The following FLT1 variants were observed in gnomAD, a reference collection of about 807,000 sequenced individuals.
The protein encoded by FLT1 is vascular endothelial growth factor receptor 1.
Under a neutral mutation model 156.3 loss-of-function variants are expected in FLT1, and 49 were observed. That is an observed-to-expected ratio of 0.31 (90% confidence interval 0.25 to 0.40). The LOEUF is 0.40. Among genes scored for constraint, FLT1 ranks in the 10% least tolerant of loss-of-function variants. FLT1 has a pLI of 1.00. For synonymous variants in FLT1, 594 were observed against 583.8 expected (o/e 1.02, Z -0.25); for missense variants, 1,322 against 1,637.2 (o/e 0.81, Z 3.32).
rs1187596721 is a variant in FLT1 at position 28,322,407 on chromosome 13, C to T, written c.2954-48G>A. On this transcript the variant is annotated intron_variant, in intron 21 of 29. Coordinates refer to ENST00000282397, the MANE Select transcript of FLT1 (RefSeq NM_002019.4). This position sits in a 1 kb window ranked among gnomAD's most constrained non-coding sequence, Gnocchi z 4.3. ...CTGTTTGTAATGGCTCTTGTTATCCCACCAAATCCCAGTTTATTGGAACAA... is the reference window on the plus strand; with the variant it reads ...CTGTTTGTAATGGCTCTTGTTATCCTACCAAATCCCAGTTTATTGGAACAA... 2 of 1,160,170 alleles carry T rather than the reference C, an allele frequency of 1.7e-6. No homozygotes were observed. The highest frequency in any genetic ancestry group is 2.3e-5 in the East Asian group (1 of 42,782). 71.9% of individuals were successfully genotyped at this position (1,160,170 alleles called of 1,614,324 possible). A position where few individuals can be genotyped will look rare whatever the true frequency, so the allele number is the denominator to read the frequency against.
chr13:28,337,284 A>T (rs1475998557), intron 17 of FLT1, among the ~76,000 whole-genome samples: 1 of 152,112 alleles, frequency 6.6e-6, no homozygotes, highest in Non-Finnish European at 1.5e-5. Flanking sequence ...AGGGCTGCTG[A>T]TAGTAACCAA....
At chr13:28,310,440 A>G (rs1870952596) in intron 27 of FLT1, among the ~76,000 whole-genome samples, 1 of 152,130 alleles carries the variant, frequency 6.6e-6, no homozygotes, top group Non-Finnish European at 1.5e-5. Context: ...GGGAGCCTTA[A>G]GGTCCCCATT....
chr13:28,302,414 A>T lies in FLT1; in HGVS notation c.*753T>A, dbSNP rs1306863462. 1 of 233,232 alleles carries T rather than the reference A, an allele frequency of 4.3e-6. No individual in the cohort carries two copies. The highest frequency in any genetic ancestry group is 8.5e-6 in the Non-Finnish European group (1 of 118,078). 14.4% of individuals were successfully genotyped at this position (233,232 alleles called of 1,614,324 possible). ...CAAAACATGCCACGAATGAGAATGGACATAGAACCACTTCCATAGGTAAAG... is the reference window on the plus strand; with the variant it reads ...CAAAACATGCCACGAATGAGAATGGTCATAGAACCACTTCCATAGGTAAAG... On this transcript the variant is annotated 3_prime_UTR_variant, in exon 30 of 30. Coordinates refer to ENST00000282397, the MANE Select transcript of FLT1 (RefSeq NM_002019.4).
At chr13:28,456,599 C>A (rs945536617) in intron 3 of FLT1, among the ~76,000 whole-genome samples, 23 of 152,106 alleles carry the variant, frequency 1.5e-4, no homozygotes, top group Admixed American at 3.3e-4. Context: ...AGCTCGAGAC[C>A]AGCCTGGCCA....
chr13:28,322,241 A>G lies in FLT1; in HGVS notation c.3051+21T>C. The G allele has an allele frequency of 6.9e-7, 1 of 1,457,730 alleles. No individual in the cohort carries two copies. The highest frequency in any genetic ancestry group is 9.6e-7 in the Non-Finnish European group (1 of 1,037,228). The allele number at this position is 1,457,730 out of a possible 1,614,324, so 90.3% of individuals were successfully genotyped here. A position where few individuals can be genotyped will look rare whatever the true frequency, so the allele number is the denominator to read the frequency against. On this transcript the variant is annotated intron_variant, in intron 22 of 29. Transcript: ENST00000282397. This position sits in a 1 kb window ranked among gnomAD's most constrained non-coding sequence, Gnocchi z 4.3. Reference sequence around the variant, plus strand: ...TGTCCAGCCCTGGCAGAGAAGAAAAACAGTAAACAGCAAGACTGACCTTTC... The same window carrying G: ...TGTCCAGCCCTGGCAGAGAAGAAAAGCAGTAAACAGCAAGACTGACCTTTC...
At chr13:28,434,621 G>A (rs1306254069) in intron 4 of FLT1, among the ~76,000 whole-genome samples, 1 of 152,156 alleles carries the variant, frequency 6.6e-6, no homozygotes, top group East Asian at 1.9e-4. Context: ...GGTGGCTCAC[G>A]CCTGTAATTC....
At chr13:28,376,143 T>G (rs1873829629) in intron 14 of FLT1, among the ~76,000 whole-genome samples, 1 of 152,180 alleles carries the variant, frequency 6.6e-6, no homozygotes, top group African/African-American at 2.4e-5. Context: ...TCTTAGGTAC[T>G]AGGATCTGAA....
intron 6 of FLT1, among the ~76,000 whole-genome samples, chr13:28,432,852 A>G (rs1877778916): frequency 6.6e-6 from 1 of 152,248 alleles, no homozygotes; most frequent in Admixed American, 6.5e-5. Context: ...TAAAACCCAG[A>G]AAATATTGCT....
intron 10 of FLT1, among the ~76,000 whole-genome samples, chr13:28,421,964 C>T (rs1232483749): frequency 6.6e-6 from 1 of 152,212 alleles, no homozygotes; most frequent in Non-Finnish European, 1.5e-5. Flanking sequence ...ATTCCCAATT[C>T]TCTATCCTTG....
At chr13:28,479,515 A>T (rs1423784850) in intron 1 of FLT1, among the ~76,000 whole-genome samples, 4 of 152,204 alleles carry the variant, frequency 2.6e-5, no homozygotes, top group Admixed American at 2.6e-4. Flanking sequence ...TCAAAAACTT[A>T]AAAAAATCTT....
intron 3 of FLT1, 80 bp from the exon 4 acceptor site, chr13:28,438,425 T>C: frequency 9.4e-7 from 1 of 1,062,708 alleles, no homozygotes; most frequent in Non-Finnish European, 1.4e-6. Flanking sequence ...TAGTGTGGTA[T>C]GGTAGGCATT....
chr13:28,419,061 C>T (rs942303591), intron 10 of FLT1, among the ~76,000 whole-genome samples: 3 of 152,142 alleles, frequency 2.0e-5, no homozygotes, highest in African/African-American at 7.2e-5. Context: ...TCTATCACAG[C>T]TATTATAATG....
In FLT1 at chr13:28,495,127, A is replaced by C; in HGVS notation, c.-284T>G. ...CGCTCCGAGCCTCCCGCGGACCTCG[A>C]TGAAGAGCAGCCGAGGGCGGGGGCG... is the stretch of plus-strand genomic sequence containing the variant. On this transcript the variant is annotated 5_prime_UTR_variant, in exon 1 of 30. Coordinates refer to ENST00000282397, the MANE Select transcript of FLT1 (RefSeq NM_002019.4). The surrounding 1 kb of genome is among the most constrained non-coding windows in gnomAD (Gnocchi z 4.1). The C allele has an allele frequency of 2.3e-6, 1 of 436,076 alleles. No homozygotes were observed. Among genetic ancestry groups the C allele is most frequent in the East Asian group, 3.8e-5 (1 of 26,522 alleles). 27.0% of individuals were successfully genotyped at this position (436,076 alleles called of 1,614,324 possible). A position where few individuals can be genotyped will look rare whatever the true frequency, so the allele number is the denominator to read the frequency against.
At chr13:28,376,008 G>A (rs143993112) in intron 14 of FLT1, among the ~76,000 whole-genome samples, 109 of 152,338 alleles carry the variant, frequency 7.2e-4, no homozygotes, top group East Asian at 6.9e-3. Context: ...TAGCCTGAGC[G>A]TGACAGATGG....
At chr13:28,433,752 A>C in intron 6 of FLT1, 67 bp downstream of exon 6, 1 of 1,477,612 alleles carries the variant, frequency 6.8e-7, no homozygotes, top group Non-Finnish European at 9.5e-7. Flanking sequence ...CCATCTCAAA[A>C]CCCCTGCGGG....
At chr13:28,454,742 T>C (rs1397261575) in intron 3 of FLT1, among the ~76,000 whole-genome samples, 1 of 152,174 alleles carries the variant, frequency 6.6e-6, no homozygotes, top group Non-Finnish European at 1.5e-5. Flanking sequence ...ATCATCTGTA[T>C]AGAAAATCAA....
rs540472659 is a variant in FLT1, at chr13:28,389,054, C to A, written c.1969+742G>T. ...GGATGGACTCTTATAATTCACACTG[C>A]GATAAACCTTTACTATCTCTGAATT... On this transcript the variant is annotated intron_variant, in intron 13 of 29. Coordinates refer to ENST00000282397, the MANE Select transcript of FLT1 (RefSeq NM_002019.4). 2.9e-5 allele frequency: 31 copies of A among 1,063,608 alleles called. No homozygotes were observed. The South Asian group carries it at 1.2e-3, about 41-fold the overall frequency. The allele number at this position is 1,063,608 out of a possible 1,614,324, so 65.9% of individuals were successfully genotyped here.
Position 28,356,761 on chromosome 13 carries a change from A to T in FLT1, c.2248+793T>A, listed in dbSNP as rs140283301. Among the ~76,000 whole-genome samples the T allele has an allele frequency of 2.0e-3, 307 of 152,382 alleles. 1 individual carries two copies. The highest frequency in any genetic ancestry group is 6.9e-3 in the African/African-American group (289 of 41,596). On this transcript the variant is annotated intron_variant, in intron 15 of 29. Transcript: ENST00000282397. ...TTTGGAAATAGGCTACTGAACAAAT[A>T]CCATCTTTTCACGTAAAACCTCAAT...
intron 14 of FLT1, among the ~76,000 whole-genome samples, chr13:28,364,700 G>A (rs1044738365): frequency 6.6e-6 from 1 of 152,070 alleles, no homozygotes; most frequent in Admixed American, 6.5e-5. Context: ...CCACTAAGTC[G>A]TTGTGCCAGC....
Sources: allele counts gnomAD v4.1 joint callset (sites outside exome capture counted in the v4.1 genomes callset), GRCh38; gene constraint gnomAD v4.1.1; non-coding constraint Gnocchi (gnomAD v3.1); transcripts MANE v1.5; gene names NCBI Gene and HGNC (gene_info 2026-07-23, HGNC 2026-07-21).